WASF1: variants seen among roughly 807,000 people sequenced by gnomAD.
The protein encoded by WASF1 is WASP family member 1.
WASF1 carries 7 observed loss-of-function variants against 50.5 expected under a neutral mutation model. The ratio of observed to expected loss-of-function variants is 0.14; its 90% CI spans 0.08 to 0.26. The LOEUF (loss-of-function observed/expected upper bound fraction) is 0.26, where lower values mean the gene tolerates loss of function less well. Ranked by LOEUF, WASF1 falls within the 10% of genes least tolerant of loss-of-function variation. The pLI, the probability that WASF1 is intolerant of heterozygous loss-of-function variation, is 1.00. For missense variants in WASF1, 470 were observed against 694.7 expected (o/e 0.68, Z 3.64); for synonymous variants, 205 against 244.0 (o/e 0.84, Z 1.49).
intron 8 of WASF1, among the ~76,000 whole-genome samples, chr6:110,104,306 C>T (rs1773221349): frequency 6.6e-6 from 1 of 152,062 alleles, no homozygotes; most frequent in African/African-American, 2.4e-5. Flanking sequence ...CTTAATTACT[C>T]AACTGTAGTA....
rs530996675 is a variant in WASF1 at position 110,115,463 on chromosome 6, T to A, written c.134-2003A>T. Among the ~76,000 whole-genome samples the A allele has an allele frequency of 2.0e-5, 3 of 152,304 alleles. No individual in the cohort carries two copies. In the South Asian group the frequency reaches 6.2e-4, roughly 32 times the overall value. ...CTGGATTGGTCCCATTGACGCTTTG[T>A]CCCTGAAGTCAGGAAGTACCTTGCC... On this transcript the variant is annotated intron_variant, in intron 4 of 10. Transcript: ENST00000392589.
chr6:110,121,173 A>G (rs1774102005), intron 4 of WASF1, among the ~76,000 whole-genome samples: 2 of 152,236 alleles, frequency 1.3e-5, no homozygotes, highest in Admixed American at 6.5e-5. Flanking sequence ...CAAGAAAGCC[A>G]AAATAGACAC....
At chr6:110,127,292 T>C (rs1471779672) in intron 4 of WASF1, among the ~76,000 whole-genome samples, 177 bp downstream of exon 4, 2 of 152,204 alleles carry the variant, frequency 1.3e-5, no homozygotes, top group Non-Finnish European at 2.9e-5. Context: ...AGAAACATCA[T>C]GCAGAAGAGG....
At chr6:110,163,601 A>G (rs1032731527) in intron 2 of WASF1, among the ~76,000 whole-genome samples, 3 of 151,574 alleles carry the variant, frequency 2.0e-5, no homozygotes, top group South Asian at 2.1e-4. Flanking sequence ...GGATGGGGAC[A>G]TATATTCAGT....
intron 2 of WASF1, among the ~76,000 whole-genome samples, chr6:110,161,513 T>C (rs1776262233): frequency 6.6e-6 from 1 of 151,610 alleles, no homozygotes; most frequent in South Asian, 2.1e-4. Context: ...TACCTTATTT[T>C]ACCAGATTAA....
chr6:110,137,137 A>C (rs552644820), intron 3 of WASF1, among the ~76,000 whole-genome samples: 1 of 152,130 alleles, frequency 6.6e-6, no homozygotes, highest in African/African-American at 2.4e-5. Context: ...TCCAGTTCAT[A>C]TCTCTCTCCT....
intron 3 of WASF1, among the ~76,000 whole-genome samples, chr6:110,154,143 G>A (rs1438175299): frequency 1.3e-5 from 2 of 151,990 alleles, no homozygotes; most frequent in African/African-American, 4.8e-5. Flanking sequence ...CAAGGAAGAC[G>A]GACTCACAGG....
In WASF1 at chr6:110,163,959, A is replaced by C. The variant is rs1418914643; in HGVS notation, c.-126-3227T>G. Among the ~76,000 whole-genome samples, 24 of 151,708 alleles carry C rather than the reference A, an allele frequency of 1.6e-4. 1 individual carries two copies. The highest frequency in any genetic ancestry group is 1.6e-3 in the Admixed American group (24 of 15,176). ...AAGAAGCAAAGACAATACAAATGAG[A>C]AAAGATAGTCTTTTCAACAAATGAT... On this transcript the variant is annotated intron_variant, in intron 2 of 10. Coordinates refer to ENST00000392589, the MANE Select transcript of WASF1 (RefSeq NM_003931.3).
intron 2 of WASF1, among the ~76,000 whole-genome samples, chr6:110,168,730 G>A (rs1460941490): frequency 6.6e-6 from 1 of 152,050 alleles, no homozygotes; most frequent in Non-Finnish European, 1.5e-5. Context: ...CTACTACTAA[G>A]CACATCAAGT....
At chr6:110,166,772 G>A (rs1037399189) in intron 2 of WASF1, among the ~76,000 whole-genome samples, 5 of 151,876 alleles carry the variant, frequency 3.3e-5, no homozygotes, top group East Asian at 1.9e-4. Flanking sequence ...TAACTTCTCC[G>A]TCCCTCTGTG....
intron 8 of WASF1, among the ~76,000 whole-genome samples, chr6:110,103,973 ACTAGTATATCTC>A (rs1773207170): frequency 6.6e-6 from 1 of 152,138 alleles, no homozygotes; most frequent in African/African-American, 2.4e-5. Flanking sequence ...GTTTTCTACT[ACTAGTATATCTC>A]GGTGTGCTCT....
intron 3 of WASF1, among the ~76,000 whole-genome samples, chr6:110,153,133 C>G (rs1338479227): frequency 6.6e-6 from 1 of 152,130 alleles, no homozygotes; most frequent in Admixed American, 6.6e-5. Flanking sequence ...ACATTTTATA[C>G]AAGTCTCTAT....
At chr6:110,153,707 C>T (rs1471844723) in intron 3 of WASF1, among the ~76,000 whole-genome samples, 2 of 151,558 alleles carry the variant, frequency 1.3e-5, no homozygotes, top group Non-Finnish European at 2.9e-5. Context: ...AGTTCGAGAC[C>T]AGCTTGGACA....
intron 2 of WASF1, among the ~76,000 whole-genome samples, chr6:110,172,564 G>T (rs1209722835): frequency 6.6e-6 from 1 of 151,890 alleles, no homozygotes; most frequent in African/African-American, 2.4e-5. Context: ...GATAATTAAA[G>T]AAAATTTAAA....
At chr6:110,146,293 C>T (rs1307897676) in intron 3 of WASF1, among the ~76,000 whole-genome samples, 2 of 151,972 alleles carry the variant, frequency 1.3e-5, no homozygotes, top group Non-Finnish European at 2.9e-5. Flanking sequence ...AGGGCAAATA[C>T]TTATTAAGAA....
At chr6:110,161,723 C>A (rs1776269807) in intron 2 of WASF1, among the ~76,000 whole-genome samples, 1 of 151,600 alleles carries the variant, frequency 6.6e-6, no homozygotes, top group East Asian at 1.9e-4. Context: ...TGAATTATTA[C>A]AATGATGTTT....
chr6:110,161,235 G>C (rs1279825832), intron 2 of WASF1, among the ~76,000 whole-genome samples: 1 of 151,500 alleles, frequency 6.6e-6, no homozygotes, highest in Non-Finnish European at 1.5e-5. Context: ...CTGTTTAACT[G>C]TACTAAATAG....
chr6:110,102,240 C>A lies in WASF1; in HGVS notation c.894-24G>T, dbSNP rs776318876. The A allele has an allele frequency of 3.7e-6, 5 of 1,364,950 alleles. No homozygotes were observed. The African/African-American group carries it at 7.4e-5, about 20-fold the overall frequency. 84.6% of individuals were successfully genotyped at this position (1,364,950 alleles called of 1,614,324 possible). On this transcript the variant is annotated intron_variant, in intron 9 of 10. Coordinates refer to ENST00000392589, the MANE Select transcript of WASF1 (RefSeq NM_003931.3). ...AACTGAAATGACAAAGAGATTCTAG[C>A]AAGTTATTAAAAGAGAAAAGCCTAA...
chr6:110,108,661 T>A lies in WASF1; in HGVS notation c.289A>T (p.Met97Leu). 6.2e-7 allele frequency: 1 copy of A among 1,613,704 alleles called. No individual in the cohort carries two copies. The highest frequency in any genetic ancestry group is 8.5e-7 in the Non-Finnish European group (1 of 1,179,870). The change falls in exon 6 of 11, where the codon ATG (methionine) becomes TTG (leucine). Residue 97 changes from methionine (M) to leucine (L), a missense_variant. Physicochemically the swap from Met to Leu is conservative, Grantham distance 15. Around this residue, in one of 3 missense-constraint regions of WASF1, gnomAD observed 140 missense variants for 260.5 expected, o/e 0.54. Transcript: ENST00000392589. ...GTAGAACTTCGGAAAGCTTTCCTCA[T>A]TGTTATATCTTGCAAAGACACTAAA... The part of the protein sequence containing the change: ...EEELSLQDIT[M>L]RKAFRSSTIQ...
Sources: allele counts gnomAD v4.1 joint callset (sites outside exome capture counted in the v4.1 genomes callset), GRCh38; gene constraint gnomAD v4.1.1; regional missense constraint gnomAD v4.1.1; transcripts MANE v1.5; gene names NCBI Gene and HGNC (gene_info 2026-07-23, HGNC 2026-07-21).